Variants in NPAS3 observed in about 807,000 individuals in gnomAD.
NPAS3 encodes the protein neuronal PAS domain-containing protein 3.
In NPAS3, 14 loss-of-function variants were observed where a neutral mutation model predicts 73.1. The observed-to-expected ratio is 0.19, with a 90% CI of 0.13 to 0.30. NPAS3 has a LOEUF of 0.30. NPAS3 is among the 10% of genes least tolerant of loss of function. NPAS3 has a pLI of 1.00. For synonymous variants in NPAS3, 620 were observed against 541.5 expected (o/e 1.14, Z -2.01); for missense variants, 1,096 against 1,250.0 (o/e 0.88, Z 1.86).
intron 2 of NPAS3, among the ~76,000 whole-genome samples, chr14:33,137,447 C>CA (rs1461086405): frequency 6.6e-6 from 1 of 152,160 alleles, no homozygotes; most frequent in Non-Finnish European, 1.5e-5. Flanking sequence ...TTGAAGCAAG[C>CA]AATCCACCAG....
At chr14:33,322,678 C>T (rs568251057) in intron 3 of NPAS3, among the ~76,000 whole-genome samples, 10 of 152,130 alleles carry the variant, frequency 6.6e-5, no homozygotes, top group African/African-American at 2.4e-4. Flanking sequence ...CATCTCGTTT[C>T]TAACTAAAAG....
At chr14:33,280,652 G>A (rs1293783406) in intron 3 of NPAS3, among the ~76,000 whole-genome samples, 1 of 152,158 alleles carries the variant, frequency 6.6e-6, no homozygotes, top group Admixed American at 6.6e-5. Flanking sequence ...AAGTACAAAG[G>A]GTGTTCCTAC....
intron 2 of NPAS3, among the ~76,000 whole-genome samples, chr14:33,108,967 A>G (rs2042806795): frequency 6.6e-6 from 1 of 152,196 alleles, no homozygotes; most frequent in Non-Finnish European, 1.5e-5. Context: ...AGTAAAACTT[A>G]TACTGTTTTT....
chr14:33,116,458 C>T (rs1223894609), intron 2 of NPAS3, among the ~76,000 whole-genome samples: 1 of 152,038 alleles, frequency 6.6e-6, no homozygotes, highest in Non-Finnish European at 1.5e-5. Context: ...ATTTAACCTC[C>T]TTCCAAGTTA....
chr14:32,935,131 C>A, upstream of NPAS3: 1 of 351,820 alleles, frequency 2.8e-6, no homozygotes, highest in Non-Finnish European at 4.3e-6. Context: ...GCCTGCCCCT[C>A]GTTCTACAGA....
At chr14:33,435,289 G>T (rs2048942112) in intron 4 of NPAS3, among the ~76,000 whole-genome samples, 1 of 152,180 alleles carries the variant, frequency 6.6e-6, no homozygotes, top group Admixed American at 6.5e-5. Context: ...TAGGTTTGAT[G>T]AGCTTAGCTA....
At chr14:33,734,535 A>C (rs1835294047) in intron 6 of NPAS3, among the ~76,000 whole-genome samples, 1 of 152,192 alleles carries the variant, frequency 6.6e-6, no homozygotes, top group African/African-American at 2.4e-5. Context: ...AGGTGGAAAA[A>C]CAGACTGTTT....
chr14:33,349,733 C>T (rs748626991), intron 3 of NPAS3, among the ~76,000 whole-genome samples: 1 of 152,178 alleles, frequency 6.6e-6, no homozygotes, highest in Non-Finnish European at 1.5e-5. Flanking sequence ...ATTAGACTCA[C>T]TTTTGTTGGA....
chr14:33,738,792 C>A (rs61973014), intron 7 of NPAS3, among the ~76,000 whole-genome samples: 1 of 152,214 alleles, frequency 6.6e-6, no homozygotes, highest in African/African-American at 2.4e-5. Context: ...CTGTTAGTCA[C>A]ATAGCATAGC....
intron 8 of NPAS3, among the ~76,000 whole-genome samples, chr14:33,776,450 AGTGCCTCATG>A (rs1381047669): frequency 7.4e-6 from 1 of 135,300 alleles, no homozygotes; most frequent in African/African-American, 2.7e-5. Context: ...CATGGACCCG[AGTGCCTCATG>A]GTGCCACTCT....
chr14:33,677,916 T>G (rs1237207527), intron 6 of NPAS3, among the ~76,000 whole-genome samples: 1 of 152,226 alleles, frequency 6.6e-6, no homozygotes. Context: ...GTCAATAGAA[T>G]GTTCATATCT....
At chr14:33,578,846 C>CA (rs2056552713) in intron 5 of NPAS3, among the ~76,000 whole-genome samples, 3 of 152,122 alleles carry the variant, frequency 2.0e-5, no homozygotes, top group Middle Eastern at 6.8e-3. Flanking sequence ...CAAAACAAAA[C>CA]AAAAACAGGG....
At chr14:32,990,341 TACAGC>T (rs1399562732) in intron 1 of NPAS3, among the ~76,000 whole-genome samples, 1 of 152,224 alleles carries the variant, frequency 6.6e-6, no homozygotes, top group Non-Finnish European at 1.5e-5. Flanking sequence ...TTTAAAATCA[TACAGC>T]ACAACAGGAA....
chr14:33,703,794 C>T (rs1167916203), intron 6 of NPAS3, among the ~76,000 whole-genome samples: 2 of 152,144 alleles, frequency 1.3e-5, no homozygotes, highest in East Asian at 1.9e-4. Context: ...ATTATTAACC[C>T]CATTTTACAG....
At chr14:33,778,270 C>T (rs898844994) in intron 8 of NPAS3, among the ~76,000 whole-genome samples, 196 bp from the exon 9 acceptor site, 2 of 152,186 alleles carry the variant, frequency 1.3e-5, no homozygotes, top group African/African-American at 4.8e-5. Context: ...TGATCTAACG[C>T]ATTTCCTACT....
chr14:33,621,161 TG>T (rs2058065567), intron 5 of NPAS3, among the ~76,000 whole-genome samples: 3 of 152,058 alleles, frequency 2.0e-5, no homozygotes, highest in Admixed American at 1.3e-4. Flanking sequence ...TTGAGATGGA[TG>T]TGGAACTCTT....
At chr14:33,600,382 G>T (rs1010660336) in intron 5 of NPAS3, among the ~76,000 whole-genome samples, 4 of 152,070 alleles carry the variant, frequency 2.6e-5, no homozygotes, top group Non-Finnish European at 5.9e-5. Flanking sequence ...TTCTCCACCT[G>T]TGCTGGATTT....
At chr14:33,525,679 G>A (rs1397399112) in intron 4 of NPAS3, among the ~76,000 whole-genome samples, 4 of 151,964 alleles carry the variant, frequency 2.6e-5, no homozygotes, top group Non-Finnish European at 4.4e-5. Context: ...TATCCAGAAG[G>A]GAGAAGCTTT....
At chr14:33,159,640 G>A (rs113423392) in intron 2 of NPAS3, among the ~76,000 whole-genome samples, 9,110 of 141,100 alleles carry the variant, frequency 0.065, 285 homozygotes, top group Middle Eastern at 0.097. Flanking sequence ...CGCAAACTCC[G>A]CCTCCCGGAT....
Sources: allele counts gnomAD v4.1 joint callset (sites outside exome capture counted in the v4.1 genomes callset), GRCh38; gene constraint gnomAD v4.1.1; transcripts MANE v1.5; gene names NCBI Gene and HGNC (gene_info 2026-07-23, HGNC 2026-07-21).